DUSP16: variants seen among roughly 807,000 people sequenced by gnomAD.
DUSP16 encodes the protein dual specificity phosphatase 16, also known as dual specificity protein phosphatase 16.
In DUSP16, 21 loss-of-function variants were observed where a neutral mutation model predicts 58.3. That is an observed-to-expected ratio of 0.36 (90% CI 0.26 to 0.52). The LOEUF (loss-of-function observed/expected upper bound fraction) is 0.52. DUSP16 is among the 20% of genes least tolerant of loss of function. The probability of loss-of-function intolerance (pLI) is 0.94; values close to 1 mark genes in which losing one functional copy is unlikely to be tolerated. For missense variants in DUSP16, 726 were observed against 819.0 expected (o/e 0.89, Z 1.39); for synonymous variants, 320 against 323.8 (o/e 0.99, Z 0.12).
chr12:12,503,178 G>A (rs959642355), intron 3 of DUSP16, among the ~76,000 whole-genome samples: 2 of 150,276 alleles, frequency 1.3e-5, no homozygotes, highest in Non-Finnish European at 2.9e-5. Flanking sequence ...AAAGTATTTT[G>A]TGCCTGGCGT....
intron 1 of DUSP16, among the ~76,000 whole-genome samples, chr12:12,559,265 T>C (rs892385115): frequency 1.3e-5 from 2 of 152,246 alleles, no homozygotes; most frequent in African/African-American, 4.8e-5. Context: ...TTTATGATGG[T>C]GAATATCTCC....
intron 1 of DUSP16, among the ~76,000 whole-genome samples, chr12:12,550,669 A>G (rs921430070): frequency 3.2e-4 from 49 of 152,276 alleles, no homozygotes; most frequent in African/African-American, 1.2e-3. Context: ...ATGAGAACAC[A>G]TGGACACTGG....
In DUSP16 at chr12:12,497,972, GAAACAAAACAAAACA is replaced by G. The variant is rs34317999; in HGVS notation, c.531+2532_531+2546del. On this transcript the variant is annotated intron_variant, in intron 4 of 6. Coordinates refer to ENST00000298573, the MANE Select transcript of DUSP16 (RefSeq NM_030640.3). ...TGACAGGGCAAGACTCCATCTCAAA[GAAACAAAACAAAACA>G]AAACAAAACAAAACACTAATAATAT... 6.1e-4 allele frequency among the ~76,000 whole-genome samples: 92 copies of G among 150,876 alleles called. 2 individuals carry two copies. Among genetic ancestry groups the G allele is most frequent in the Admixed American group, 5.3e-3 (80 of 15,142 alleles).
In DUSP16 at chr12:12,552,174, C is replaced by T. The variant is rs112809203; in HGVS notation, c.-366+9943G>A. ...TAATATTTAAGAATCTGGCTGGGAGCGGTGGCTGCGCCTGTAATCCCAGAA... is the reference window on the plus strand; with the variant it reads ...TAATATTTAAGAATCTGGCTGGGAGTGGTGGCTGCGCCTGTAATCCCAGAA... On this transcript the variant is annotated intron_variant, in intron 1 of 6. Transcript: ENST00000298573. 4.2e-3 allele frequency among the ~76,000 whole-genome samples: 635 copies of T among 151,830 alleles called. 4 individuals are homozygous for T. Among genetic ancestry groups the T allele is most frequent in the Non-Finnish European group, 7.1e-3 (479 of 67,930 alleles).
intron 1 of DUSP16, among the ~76,000 whole-genome samples, chr12:12,558,476 G>T (rs1057193535): frequency 1.3e-5 from 2 of 151,626 alleles, no homozygotes; most frequent in Non-Finnish European, 2.9e-5. Flanking sequence ...TGACCTCCCA[G>T]GCTCAAGAGA....
At chr12:12,494,202 CTG>C (rs1257007547) in intron 4 of DUSP16, among the ~76,000 whole-genome samples, 6 of 152,138 alleles carry the variant, frequency 3.9e-5, no homozygotes, top group African/African-American at 1.2e-4. Flanking sequence ...TTAAAAAAGA[CTG>C]TTTTTCCTGG....
intron 3 of DUSP16, among the ~76,000 whole-genome samples, chr12:12,510,899 A>G (rs1944068038): frequency 6.6e-6 from 1 of 152,148 alleles, no homozygotes; most frequent in Non-Finnish European, 1.5e-5. Flanking sequence ...TTAGGTTTAG[A>G]GCAACAGGGA....
intron 1 of DUSP16, among the ~76,000 whole-genome samples, chr12:12,547,897 G>C (rs1944670442): frequency 6.6e-6 from 1 of 152,114 alleles, no homozygotes; most frequent in South Asian, 2.1e-4. Context: ...TTTAGAGCTG[G>C]AAAAACCTTA....
intron 1 of DUSP16, among the ~76,000 whole-genome samples, chr12:12,547,110 T>G (rs1022100041): frequency 6.6e-6 from 1 of 152,200 alleles, no homozygotes; most frequent in Non-Finnish European, 1.5e-5. Flanking sequence ...GAATTTGGAC[T>G]GGTGTTTTGT....
At chr12:12,529,739 T>G (rs912266321) in intron 1 of DUSP16, among the ~76,000 whole-genome samples, 2 of 152,200 alleles carry the variant, frequency 1.3e-5, no homozygotes, top group Non-Finnish European at 2.9e-5. Flanking sequence ...TCTACTTCCA[T>G]GAGATCAACT....
chr12:12,545,133 T>C (rs1408752737), intron 1 of DUSP16, among the ~76,000 whole-genome samples: 2 of 152,230 alleles, frequency 1.3e-5, no homozygotes, highest in Non-Finnish European at 2.9e-5. Context: ...GTATCTTTCT[T>C]AGATTTATTA....
intron 1 of DUSP16, among the ~76,000 whole-genome samples, chr12:12,558,296 CTTT>C (rs954737531): frequency 6.6e-6 from 1 of 152,140 alleles, no homozygotes; most frequent in Non-Finnish European, 1.5e-5. Context: ...GCGAATCCCT[CTTT>C]TTATTTCTGA....
chr12:12,520,217 G>A (rs1267139547), intron 2 of DUSP16, among the ~76,000 whole-genome samples: 1 of 152,146 alleles, frequency 6.6e-6, no homozygotes. Flanking sequence ...GTGATCTCAC[G>A]ATTCCCTGGT....
intron 1 of DUSP16, among the ~76,000 whole-genome samples, chr12:12,551,934 C>T (rs1410169901): frequency 6.6e-6 from 1 of 152,042 alleles, no homozygotes; most frequent in Non-Finnish European, 1.5e-5. Context: ...CCTCGTGATC[C>T]ACCTGCCTCG....
At chr12:12,509,815 AT>A (rs1199581444) in intron 3 of DUSP16, among the ~76,000 whole-genome samples, 1 of 152,116 alleles carries the variant, frequency 6.6e-6, no homozygotes, top group Non-Finnish European at 1.5e-5. Context: ...GTTCCGAAGG[AT>A]TTCCTGATTC....
At chr12:12,547,974 C>T (rs536139771) in intron 1 of DUSP16, among the ~76,000 whole-genome samples, 6 of 152,216 alleles carry the variant, frequency 3.9e-5, no homozygotes, top group East Asian at 3.9e-4. Flanking sequence ...AGAATCAACC[C>T]GAGCCCTCCA....
At chr12:12,486,198 GA>G (rs552486056) in intron 5 of DUSP16, among the ~76,000 whole-genome samples, 13 of 151,760 alleles carry the variant, frequency 8.6e-5, no homozygotes, top group East Asian at 7.7e-4. Context: ...GTAACTGGGG[GA>G]AAAAAAATTC....
chr12:12,535,299 G>A (rs533222903), intron 1 of DUSP16, among the ~76,000 whole-genome samples: 1 of 152,226 alleles, frequency 6.6e-6, no homozygotes, highest in South Asian at 2.1e-4. Flanking sequence ...AAATAGTAAT[G>A]GGCTATATCC....
intron 3 of DUSP16, among the ~76,000 whole-genome samples, chr12:12,517,238 C>T (rs1412169340): frequency 1.3e-5 from 2 of 152,128 alleles, no homozygotes; most frequent in Non-Finnish European, 2.9e-5. Context: ...AGTTCTAAAC[C>T]GATGGAAAAA....
Sources: gnomAD v4.1 joint callset for allele counts (sites outside exome capture counted in the v4.1 genomes callset) on GRCh38, gnomAD v4.1.1 for gene constraint, MANE v1.5 for transcripts, NCBI Gene and HGNC (gene_info 2026-07-23, HGNC 2026-07-21) for gene names.